Variants in PUM1 observed in about 807,000 individuals in gnomAD.
The protein encoded by PUM1 is pumilio RNA binding family member 1.
PUM1 carries 13 observed loss-of-function variants against 131.8 expected under a neutral mutation model. That is an observed-to-expected ratio of 0.10 (90% CI 0.06 to 0.16). The LOEUF is 0.16. PUM1 is among the 10% of genes least tolerant of loss of function. The pLI, the probability that PUM1 is intolerant of heterozygous loss-of-function variation, is 1.00. For missense variants in PUM1, 961 were observed against 1,512.4 expected (o/e 0.64, Z 6.05); for synonymous variants, 509 against 556.5 (o/e 0.91, Z 1.20).
intron 9 of PUM1, among the ~76,000 whole-genome samples, chr1:30,979,459 C>T (rs1268888402): frequency 1.3e-5 from 2 of 152,094 alleles, no homozygotes; most frequent in Non-Finnish European, 2.9e-5. Flanking sequence ...CCTAGCTAAC[C>T]CACAGAATTA....
intron 7 of PUM1, 38 bp downstream of exon 7, chr1:30,992,352 A>C: frequency 6.3e-7 from 1 of 1,592,168 alleles, no homozygotes; most frequent in Non-Finnish European, 8.6e-7. Context: ...TGCTGGCTGG[A>C]GGGAGAGTAG....
rs1048357268 is a variant in PUM1, at chr1:31,057,924, C to A, written c.363+1280G>T. ...ACAAAATGAACCTTTCCAAATTCAA[C>A]CTATACCCAATTTCAAAGAATACCC... On this transcript the variant is annotated intron_variant, in intron 2 of 21. Coordinates refer to ENST00000426105, the MANE Select transcript of PUM1 (RefSeq NM_001020658.2). 1.1e-4 allele frequency among the ~76,000 whole-genome samples: 17 copies of A among 152,190 alleles called. 2 individuals are homozygous for A. In the East Asian group the frequency reaches 3.1e-3, roughly 28 times the overall value.
intron 14 of PUM1, 22 bp downstream of exon 14, chr1:30,964,652 G>T (rs749959261): frequency 3.8e-6 from 6 of 1,564,990 alleles, no homozygotes; most frequent in Non-Finnish European, 5.3e-6. Flanking sequence ...GTTCAAGGTG[G>T]TGTTAGAGTA....
At chr1:31,009,433 G>C (rs1337862115) in intron 3 of PUM1, among the ~76,000 whole-genome samples, 6 of 152,062 alleles carry the variant, frequency 3.9e-5, no homozygotes, top group Non-Finnish European at 8.8e-5. Flanking sequence ...TGTTTTAAGA[G>C]TTCATTCCTC....
intron 5 of PUM1, among the ~76,000 whole-genome samples, chr1:30,997,288 A>T (rs771598201): frequency 1.1e-4 from 16 of 152,136 alleles, no homozygotes; most frequent in Non-Finnish European, 2.1e-4. Flanking sequence ...GCAAGGCAGG[A>T]TCACTTGAGC....
intron 11 of PUM1, 148 bp downstream of exon 11, chr1:30,968,206 G>T: frequency 9.5e-7 from 1 of 1,056,784 alleles, no homozygotes; most frequent in Non-Finnish European, 1.5e-6. Context: ...TATAGTCTAA[G>T]TGAGGGCAAG....
chr1:30,941,376 T>C, intron 19 of PUM1, 104 bp from the exon 20 acceptor site: 1 of 1,224,344 alleles, frequency 8.2e-7, no homozygotes, highest in East Asian at 2.4e-5. Flanking sequence ...TTTACCACCA[T>C]AACGGTTTAT....
At chr1:31,058,611 G>C (rs1373823301) in intron 2 of PUM1, among the ~76,000 whole-genome samples, 1 of 148,766 alleles carries the variant, frequency 6.7e-6, no homozygotes, top group African/African-American at 2.5e-5. Context: ...GCAGTGAGCA[G>C]AGATCGCGCC....
At chr1:30,984,914 C>T (rs968879095) in intron 7 of PUM1, among the ~76,000 whole-genome samples, 1 of 151,952 alleles carries the variant, frequency 6.6e-6, no homozygotes, top group Non-Finnish European at 1.5e-5. Flanking sequence ...AAAAGACTAC[C>T]GCCCCCACTC....
intron 3 of PUM1, among the ~76,000 whole-genome samples, chr1:31,009,513 C>T (rs181692471): frequency 5.9e-5 from 9 of 152,210 alleles, no homozygotes; most frequent in African/African-American, 1.9e-4. Flanking sequence ...CGCCTGTAAT[C>T]CCAGCACCTT....
chr1:30,971,558 C>G (rs1640872942), intron 10 of PUM1, among the ~76,000 whole-genome samples: 1 of 152,168 alleles, frequency 6.6e-6, no homozygotes, highest in South Asian at 2.1e-4. Context: ...AACACAAGAT[C>G]TCAGATTTTC....
rs76708413 is a variant in PUM1 at position 31,002,099 on chromosome 1, T to C, written c.720+3754A>G. On this transcript the variant is annotated intron_variant, in intron 5 of 21. Transcript: ENST00000426105. ...GTATGAATTAGACTTTGTTGAGTTT[T>C]GATTATTCTCATTTTGCAGATGAAT... Among the ~76,000 whole-genome samples, 203 of 152,330 alleles carry C rather than the reference T, an allele frequency of 1.3e-3. 2 individuals are homozygous for C. The East Asian group carries it at 0.038, about 28-fold the overall frequency.
intron 12 of PUM1, 33 bp downstream of exon 12, chr1:30,967,134 C>A: frequency 2.5e-6 from 4 of 1,607,898 alleles, no homozygotes; most frequent in Non-Finnish European, 3.4e-6. Context: ...ACTTTTAGAT[C>A]TCTGGCAGGA....
chr1:30,952,717 GAGA>G (rs1557551086), intron 15 of PUM1, among the ~76,000 whole-genome samples: 1 of 125,624 alleles, frequency 8.0e-6, no homozygotes, highest in Non-Finnish European at 1.8e-5. Flanking sequence ...GGTGCAGGAA[GAGA>G]GGAGGGGTGG....
At chr1:31,006,961 T>C in intron 4 of PUM1, 33 bp downstream of exon 4, 1 of 1,530,360 alleles carries the variant, frequency 6.5e-7, no homozygotes, top group Non-Finnish European at 9.0e-7. Flanking sequence ...AAGACAGGCA[T>C]AAATCACAGT....
intron 2 of PUM1, among the ~76,000 whole-genome samples, chr1:31,037,906 T>C (rs1643666085): frequency 6.6e-6 from 1 of 150,942 alleles, no homozygotes; most frequent in Non-Finnish European, 1.5e-5. Flanking sequence ...TGAAACCCCG[T>C]CTCTACTAAA....
chr1:31,048,120 TC>T (rs1557604198), intron 2 of PUM1, among the ~76,000 whole-genome samples: 1 of 151,256 alleles, frequency 6.6e-6, no homozygotes. Context: ...GCGCCTATAG[TC>T]CCAGCTACTC....
At chr1:31,049,370 G>A (rs61780503) in intron 2 of PUM1, among the ~76,000 whole-genome samples, 5 of 152,016 alleles carry the variant, frequency 3.3e-5, no homozygotes, top group Non-Finnish European at 7.4e-5. Flanking sequence ...AGAAAAAGTA[G>A]CCGGGCATGG....
chr1:30,949,784 T>C (rs753189752), intron 17 of PUM1, among the ~76,000 whole-genome samples: 21 of 151,934 alleles, frequency 1.4e-4, no homozygotes, highest in Non-Finnish European at 2.2e-4. Flanking sequence ...ATATGGAAGG[T>C]GGGTTGGATG....
Sources: allele counts gnomAD v4.1 joint callset (sites outside exome capture counted in the v4.1 genomes callset), GRCh38; gene constraint gnomAD v4.1.1; transcripts MANE v1.5; gene names NCBI Gene and HGNC (gene_info 2026-07-23, HGNC 2026-07-21).